Variants in PTPRG observed in about 807,000 individuals in gnomAD.
The protein encoded by PTPRG is receptor-type tyrosine-protein phosphatase gamma.
A neutral mutation model predicts 165.3 loss-of-function variants in PTPRG; 102 were observed. The observed-to-expected ratio is 0.62, with a 90% confidence interval of 0.53 to 0.73. The LOEUF (loss-of-function observed/expected upper bound fraction) is 0.73, where lower values mean the gene tolerates loss of function less well. Ranked by LOEUF, PTPRG falls within the 30% of genes least tolerant of loss-of-function variation. PTPRG has a pLI of 0.00. For missense variants in PTPRG, 1,866 were observed against 1,861.4 expected, an observed-to-expected ratio of 1.00 and a Z score of -0.05; for synonymous variants, 675 against 669.5, an observed-to-expected ratio of 1.01 and a Z score of -0.13.
intron 5 of PTPRG, among the ~76,000 whole-genome samples, chr3:62,120,941 C>G (rs909471719): frequency 6.6e-6 from 1 of 151,632 alleles, no homozygotes; most frequent in African/African-American, 2.4e-5. Flanking sequence ...GAAAGAATGG[C>G]TTATAGCTAT....
In PTPRG at chr3:62,296,529, C is replaced by T. The variant is rs1273369405; in HGVS notation, c.*3222C>T. On this transcript the variant is annotated 3_prime_UTR_variant, in exon 30 of 30. Coordinates refer to ENST00000474889, the MANE Select transcript of PTPRG (RefSeq NM_002841.4). ...ACCCAACTCATCATAATTTAAGAAT[C>T]AAAATGTAGTTTGTCTTAAGAATTT... 7 of 151,144 alleles carry T rather than the reference C, an allele frequency of 4.6e-5. No homozygotes were observed. The highest frequency in any genetic ancestry group is 1.5e-4 in the African/African-American group (6 of 41,176). The allele number at this position is 151,144 out of a possible 1,614,324, so 9.4% of individuals were successfully genotyped here.
chr3:61,726,782 T>C (rs2032275009), intron 1 of PTPRG, among the ~76,000 whole-genome samples: 1 of 152,192 alleles, frequency 6.6e-6, no homozygotes, highest in African/African-American at 2.4e-5. Flanking sequence ...GTGCGGTGGC[T>C]CACGCCTGTA....
At chr3:61,871,470 C>G (rs1374333785) in intron 2 of PTPRG, among the ~76,000 whole-genome samples, 1 of 152,022 alleles carries the variant, frequency 6.6e-6, no homozygotes, top group Non-Finnish European at 1.5e-5. Context: ...TCTCAACATG[C>G]TGGGATTATA....
At chr3:62,011,554 G>A (rs1209596766) in intron 4 of PTPRG, among the ~76,000 whole-genome samples, 1 of 152,120 alleles carries the variant, frequency 6.6e-6, no homozygotes, top group Non-Finnish European at 1.5e-5. Context: ...GAAAGGAATT[G>A]GTTGAAATTT....
At chr3:62,198,198 A>G (rs1700016076) in intron 10 of PTPRG, among the ~76,000 whole-genome samples, 1 of 152,214 alleles carries the variant, frequency 6.6e-6, no homozygotes, top group African/African-American at 2.4e-5. Context: ...TATTTGTAGA[A>G]TGGCTCACAG....
chr3:62,167,620 C>T lies in PTPRG; in HGVS notation c.841-351C>T, dbSNP rs539372763. Reference sequence around the variant, plus strand: ...TGGCTCCGGGACATAACAGTTTGACCGTGACCCTATGTTTCTTGCTAGAAT... The same window carrying T: ...TGGCTCCGGGACATAACAGTTTGACTGTGACCCTATGTTTCTTGCTAGAAT... On this transcript the variant is annotated intron_variant, in intron 7 of 29. Transcript: ENST00000474889. Among the ~76,000 whole-genome samples the T allele has an allele frequency of 3.5e-4, 53 of 152,252 alleles. 1 individual carries two copies. In the South Asian group the frequency reaches 0.011, roughly 30 times the overall value.
intron 1 of PTPRG, among the ~76,000 whole-genome samples, chr3:61,645,469 A>G (rs1351136326): frequency 6.6e-6 from 1 of 152,216 alleles, no homozygotes; most frequent in Non-Finnish European, 1.5e-5. Flanking sequence ...AATCACATGC[A>G]TCTGTCCCAG....
At chr3:61,642,269 A>G (rs1010872169) in intron 1 of PTPRG, among the ~76,000 whole-genome samples, 1 of 152,102 alleles carries the variant, frequency 6.6e-6, no homozygotes, top group African/African-American at 2.4e-5. Flanking sequence ...TTGTAAAGCC[A>G]TCATTCAGTT....
In PTPRG at chr3:61,652,973, AC is replaced by A. The variant is rs946871703; in HGVS notation, c.85+90602del. ...AAAATGCTATGGAGTGGAGATTTAC[AC>A]TACAACCACCAGATATCATGGGGGT... On this transcript the variant is annotated intron_variant, in intron 1 of 29. Transcript: ENST00000474889. Among the ~76,000 whole-genome samples the A allele has an allele frequency of 3.9e-4, 60 of 152,218 alleles. 2 individuals are homozygous for A.
intron 1 of PTPRG, among the ~76,000 whole-genome samples, chr3:61,580,617 G>T (rs1489433631): frequency 1.3e-5 from 2 of 152,096 alleles, no homozygotes; most frequent in Non-Finnish European, 2.9e-5. Context: ...TTATAGGCGT[G>T]AGCCAATGCG....
At chr3:61,899,598 A>G (rs1000598569) in intron 2 of PTPRG, among the ~76,000 whole-genome samples, 3 of 151,856 alleles carry the variant, frequency 2.0e-5, no homozygotes, top group Non-Finnish European at 4.4e-5. Flanking sequence ...AAAAGGGTGA[A>G]CCTCCAGAAG....
At chr3:61,720,287 C>G in intron 1 of PTPRG, among the ~76,000 whole-genome samples, 1 of 152,040 alleles carries the variant, frequency 6.6e-6, no homozygotes, top group East Asian at 1.9e-4. Context: ...CCACGTCCAG[C>G]TAATTTTTGT....
intron 1 of PTPRG, among the ~76,000 whole-genome samples, chr3:61,672,837 G>GAGAGGT (rs1703081037): frequency 6.7e-6 from 1 of 149,584 alleles, no homozygotes; most frequent in African/African-American, 2.5e-5. Context: ...GAGGGAGAGG[G>GAGAGGT]CTCTTAAGGG....
chr3:61,930,688 T>G lies in PTPRG; in HGVS notation c.191-58937T>G, dbSNP rs114824320. On this transcript the variant is annotated intron_variant, in intron 2 of 29. Transcript: ENST00000474889. ...GTCATTGTGGCATCCTCTATGGGTGTTCCAAAATTACAATTATAGTTAGAG... is the reference window on the plus strand; with the variant it reads ...GTCATTGTGGCATCCTCTATGGGTGGTCCAAAATTACAATTATAGTTAGAG... 7.9e-3 allele frequency among the ~76,000 whole-genome samples: 1,206 copies of G among 152,298 alleles called. 17 individuals are homozygous for G. Among genetic ancestry groups the G allele is most frequent in the African/African-American group, 0.027 (1,126 of 41,542 alleles).
intron 2 of PTPRG, among the ~76,000 whole-genome samples, chr3:61,930,776 G>A (rs1383116736): frequency 1.3e-5 from 2 of 152,176 alleles, no homozygotes; most frequent in Admixed American, 6.5e-5. Context: ...AGAAGGCAGT[G>A]CGGCCAGGCG....
At chr3:61,662,422 C>T (rs1361251569) in intron 1 of PTPRG, among the ~76,000 whole-genome samples, 1 of 152,170 alleles carries the variant, frequency 6.6e-6, no homozygotes, top group Non-Finnish European at 1.5e-5. Context: ...GATCCTCTAT[C>T]CCAGATTAAA....
intron 1 of PTPRG, among the ~76,000 whole-genome samples, chr3:61,718,206 C>CA: frequency 1.2e-5 from 1 of 81,436 alleles, no homozygotes; most frequent in Admixed American, 1.2e-4. Context: ...AACAAAAAAA[C>CA]AAAAACCAAA....
intron 2 of PTPRG, among the ~76,000 whole-genome samples, chr3:61,862,095 G>A (rs1376182904): frequency 6.6e-6 from 1 of 152,102 alleles, no homozygotes; most frequent in Non-Finnish European, 1.5e-5. Context: ...AGTGAGCTCC[G>A]TCTCCTGTCA....
Position 62,273,004 on chromosome 3 carries a change from A to G in PTPRG, c.3241A>G (p.Lys1081Glu), listed in dbSNP as rs1702115440. The change falls in exon 22 of 30, where the codon AAA (lysine) becomes GAA (glutamate). Residue 1081 changes from lysine to glutamate, a missense_variant. Lys to Glu is a moderately conservative substitution (Grantham distance 56, BLOSUM62 1). Around this residue, in one of 3 missense-constraint regions of PTPRG, gnomAD observed 1,452 missense variants for 1,463.0 expected, o/e 0.99. Transcript: ENST00000474889. The surrounding 1 kb of genome is among the most constrained non-coding windows in gnomAD (Gnocchi z 4.1). ...IVIDSMLQQI[K>E]DKSTVNVLGF... ...AATAGACAGCATGCTGCAACAGATA[A>G]AAGACAAAAGCACAGTTAACGTCCT... 6.2e-7 allele frequency: 1 copy of G among 1,613,840 alleles called. No individual in the cohort carries two copies.
Sources: gnomAD v4.1 joint callset for allele counts (sites outside exome capture counted in the v4.1 genomes callset) on GRCh38, gnomAD v4.1.1 for gene constraint, gnomAD v4.1.1 regional missense constraint, Gnocchi (gnomAD v3.1) non-coding constraint, MANE v1.5 for transcripts, NCBI Gene and HGNC (gene_info 2026-07-23, HGNC 2026-07-21) for gene names.